The following SLC5A12 variants were observed in gnomAD, a reference collection of about 807,000 sequenced individuals.
The protein encoded by SLC5A12 is solute carrier family 5 member 12.
In SLC5A12, 46 loss-of-function variants were observed where a neutral mutation model predicts 72.7. That is an observed-to-expected ratio of 0.63 (90% CI 0.50 to 0.81). The LOEUF (loss-of-function observed/expected upper bound fraction) is 0.81, where lower values mean the gene tolerates loss of function less well. SLC5A12 is among the 30% of genes least tolerant of loss of function. The pLI is 0.00. For missense variants in SLC5A12, 683 were observed against 740.7 expected, an observed-to-expected ratio of 0.92 and a Z score of 0.90; for synonymous variants, 275 against 264.4, an observed-to-expected ratio of 1.04 and a Z score of -0.39.
intron 8 of SLC5A12, 93 bp from the exon 9 acceptor site, chr11:26,692,694 C>A (rs939633878): frequency 2.6e-6 from 2 of 776,608 alleles, no homozygotes; most frequent in East Asian, 2.5e-5. Flanking sequence ...ATAAGGCAGG[C>A]CTCTAGAAAA....
chr11:26,681,297 T>G, intron 11 of SLC5A12, 76 bp from the exon 12 acceptor site: 4 of 1,192,300 alleles, frequency 3.4e-6, no homozygotes, highest in Non-Finnish European at 4.5e-6. Context: ...TGAGGAGTTC[T>G]ATGCCTTAGA....
chr11:26,678,160 C>T (rs1854307382), intron 13 of SLC5A12, among the ~76,000 whole-genome samples: 1 of 152,104 alleles, frequency 6.6e-6, no homozygotes, highest in African/African-American at 2.4e-5. Flanking sequence ...AGTAAGTTAG[C>T]AAAGGCTGAC....
At position 26,720,557 on chromosome 11, in the gene SLC5A12, C is replaced by T. The variant is rs190133749; in HGVS notation, c.339+819G>A. Among the ~76,000 whole-genome samples, 210 of 151,796 alleles carry T rather than the reference C, an allele frequency of 1.4e-3. 5 individuals carry two copies. In the East Asian group the frequency reaches 0.027, roughly 19 times the overall value. On this transcript the variant is annotated intron_variant, in intron 1 of 14. Coordinates refer to ENST00000396005, the MANE Select transcript of SLC5A12 (RefSeq NM_178498.4). ...AGAATAATGTTTTATACTCATATAG[C>T]TTACATATTTAAAAAAAAATAGGTC...
At chr11:26,684,312 C>G (rs1483844807) in intron 10 of SLC5A12, among the ~76,000 whole-genome samples, 2 of 151,958 alleles carry the variant, frequency 1.3e-5, no homozygotes, top group Admixed American at 1.3e-4. Context: ...AGGGTAAAGC[C>G]TTCCTTCTTA....
chr11:26,690,583 G>A (rs546081707), intron 9 of SLC5A12, among the ~76,000 whole-genome samples: 6 of 149,958 alleles, frequency 4.0e-5, no homozygotes, highest in East Asian at 3.9e-4. Context: ...GGCCAAGGCC[G>A]GGGGATCACC....
intron 14 of SLC5A12, 42 bp downstream of exon 14, chr11:26,673,360 T>A (rs951935963): frequency 6.8e-7 from 1 of 1,470,662 alleles, no homozygotes; most frequent in Non-Finnish European, 9.0e-7. Flanking sequence ...AGGAATCCCT[T>A]TGAGTCCATA....
At chr11:26,716,599 C>T (rs1007221127) in intron 1 of SLC5A12, among the ~76,000 whole-genome samples, 2 of 152,110 alleles carry the variant, frequency 1.3e-5, no homozygotes, top group Non-Finnish European at 2.9e-5. Context: ...AAACTTGATC[C>T]AGCCATACTC....
intron 13 of SLC5A12, among the ~76,000 whole-genome samples, chr11:26,674,323 A>T (rs2133131315): frequency 6.6e-6 from 1 of 151,936 alleles, no homozygotes; most frequent in Admixed American, 6.6e-5. Flanking sequence ...ATTTCTTTTA[A>T]GTGCCAGATA....
At chr11:26,682,677 T>C (rs1165450716) in intron 11 of SLC5A12, among the ~76,000 whole-genome samples, 1 of 151,786 alleles carries the variant, frequency 6.6e-6, no homozygotes, top group East Asian at 1.9e-4. Flanking sequence ...AAGGTGGTTT[T>C]CCTGACCAAA....
At chr11:26,684,850 T>C (rs985166022) in intron 10 of SLC5A12, among the ~76,000 whole-genome samples, 6 of 152,290 alleles carry the variant, frequency 3.9e-5, no homozygotes, top group Middle Eastern at 3.4e-3. Context: ...TAAATATTAT[T>C]GTGGCGCACA....
chr11:26,677,333 T>C (rs1166582171), intron 13 of SLC5A12, among the ~76,000 whole-genome samples: 2 of 152,212 alleles, frequency 1.3e-5, no homozygotes, highest in Non-Finnish European at 2.9e-5. Context: ...AAATTTAATA[T>C]AAGTGCTGCT....
intron 11 of SLC5A12, 67 bp downstream of exon 11, chr11:26,683,690 G>T: frequency 1.6e-6 from 2 of 1,287,576 alleles, no homozygotes; most frequent in South Asian, 1.3e-5. Context: ...ACAGGGCTGA[G>T]AGGAGAGAGA....
chr11:26,679,602 G>T (rs1295269227), intron 12 of SLC5A12, among the ~76,000 whole-genome samples: 4 of 152,070 alleles, frequency 2.6e-5, no homozygotes, highest in African/African-American at 9.7e-5. Flanking sequence ...GATTTTAGGA[G>T]AGTGGAAATG....
In SLC5A12 at chr11:26,709,332, A is replaced by C; in HGVS notation, c.505T>G (p.Cys169Gly). The change falls in exon 4 of 15, where the codon TGC (cysteine) becomes GGC (glycine). Residue 169 changes from cysteine (C) to glycine (G), a missense_variant. Coordinates refer to ENST00000396005, the MANE Select transcript of SLC5A12 (RefSeq NM_178498.4). ...WGSVFATGIV[C>G]TFYCTLGGLK... ...CATACCAGGGTACAGTAGAATGTGC[A>C]AACAATTCCTGTTGCAAACACAGAG... 6.2e-7 allele frequency: 1 copy of C among 1,611,884 alleles called. No homozygotes were observed. Among genetic ancestry groups the C allele is most frequent in the Non-Finnish European group, 8.5e-7 (1 of 1,178,790 alleles).
chr11:26,719,682 C>A (rs1251536700), intron 1 of SLC5A12, among the ~76,000 whole-genome samples: 1 of 152,130 alleles, frequency 6.6e-6, no homozygotes, highest in Non-Finnish European at 1.5e-5. Flanking sequence ...TTGTCTGGTG[C>A]AATTATTTGC....
intron 6 of SLC5A12, among the ~76,000 whole-genome samples, chr11:26,701,650 C>T (rs976263843): frequency 2.6e-5 from 4 of 152,118 alleles, no homozygotes; most frequent in African/African-American, 9.7e-5. Context: ...AATTTTATTA[C>T]TTGGCCTTTC....
chr11:26,667,591 CT>C lies in SLC5A12; in HGVS notation c.*3510del. The stretch of plus-strand genomic sequence containing the variant: ...TTTGAACTGTGCAATGAGTAATAAA[CT>C]TGGGTTGAGATGCTGTTTATTTATC... On this transcript the variant is annotated 3_prime_UTR_variant, in exon 15 of 15. Transcript: ENST00000396005. The C allele has an allele frequency of 6.6e-6, 1 of 151,952 alleles. No individual in the cohort carries two copies. Among genetic ancestry groups the C allele is most frequent in the South Asian group, 2.1e-4 (1 of 4,818 alleles). The allele number at this position is 151,952 out of a possible 1,614,324, so 9.4% of individuals were successfully genotyped here.
intron 3 of SLC5A12, among the ~76,000 whole-genome samples, chr11:26,710,576 T>A (rs1051803904): frequency 2.0e-5 from 3 of 152,110 alleles, no homozygotes; most frequent in Admixed American, 2.0e-4. Flanking sequence ...GTGGTTTTGA[T>A]TTGCATTTCT....
intron 10 of SLC5A12, among the ~76,000 whole-genome samples, chr11:26,685,440 C>A (rs34570068): frequency 0.32 from 48,656 of 151,628 alleles, 8,404 homozygotes; most frequent in East Asian, 0.47. Flanking sequence ...GCAAATATGG[C>A]GAAACTCCAT....
Sources: gnomAD v4.1 joint callset for allele counts (sites outside exome capture counted in the v4.1 genomes callset) on GRCh38, gnomAD v4.1.1 for gene constraint, MANE v1.5 for transcripts, NCBI Gene and HGNC (gene_info 2026-07-23, HGNC 2026-07-21) for gene names.